The following IRAG2 variants were observed in gnomAD, a reference collection of about 807,000 sequenced individuals.
IRAG2 encodes lymphoid restricted membrane protein.
In IRAG2, 45 loss-of-function variants were observed where a neutral mutation model predicts 69.9. The observed-to-expected ratio is 0.64, with a 90% CI of 0.51 to 0.83. The LOEUF (loss-of-function observed/expected upper bound fraction) is 0.83, where lower values mean the gene tolerates loss of function less well. IRAG2 is among the 40% of genes least tolerant of loss of function. The pLI is 0.00. For synonymous variants in IRAG2, 193 were observed against 202.4 expected (o/e 0.95, Z 0.40); for missense variants, 520 against 587.0 (o/e 0.89, Z 1.18).
At chr12:25,100,056 A>C (rs1227740001) in intron 15 of IRAG2, among the ~76,000 whole-genome samples, 4 of 151,626 alleles carry the variant, frequency 2.6e-5, no homozygotes, top group Non-Finnish European at 5.9e-5. Flanking sequence ...ACATTTCTTC[A>C]AAGAAGATAC....
intron 14 of IRAG2, among the ~76,000 whole-genome samples, chr12:25,095,116 A>C (rs1385877239): frequency 6.6e-6 from 1 of 152,170 alleles, no homozygotes; most frequent in Non-Finnish European, 1.5e-5. Context: ...ATGTTGAATA[A>C]TATTGGTGAG....
upstream of IRAG2, among the ~76,000 whole-genome samples, chr12:25,003,270 A>T (rs1182394632): frequency 1.3e-5 from 2 of 152,238 alleles, no homozygotes; most frequent in Non-Finnish European, 2.9e-5. Context: ...CAGTAATTCC[A>T]TAACTATTCA....
In IRAG2 at chr12:25,079,425, A is replaced by T; in HGVS notation, c.99A>T (p.Arg33Ser). The change falls in exon 8 of 22, where the codon AGA (arginine) becomes AGT (serine). Residue 33 changes from arginine (R) to serine (S), a missense_variant. Arg to Ser is a moderately radical substitution (Grantham distance 110). Transcript: ENST00000556887. ...SREYSSLPLP[R>S]HTSSTDGTIT... The stretch of plus-strand genomic sequence containing the variant: ...AATATTCCTCACTACCATTACCCAG[A>T]CACACTTCATCGACAGACGGTACTA... 1 of 1,613,818 alleles carries T rather than the reference A, an allele frequency of 6.2e-7. No homozygotes were observed. Among genetic ancestry groups the T allele is most frequent in the Non-Finnish European group, 8.5e-7 (1 of 1,179,732 alleles).
At chr12:25,067,317 G>A (rs11047804) in intron 5 of IRAG2, among the ~76,000 whole-genome samples, 11,343 of 152,108 alleles carry the variant, frequency 0.075, 584 homozygotes, top group African/African-American at 0.15. Context: ...CAGATGTGTG[G>A]GGGTTTTTTT....
At chr12:25,005,870 C>T (rs1336274548) in intron 2 of IRAG2, among the ~76,000 whole-genome samples, 1 of 151,916 alleles carries the variant, frequency 6.6e-6, no homozygotes, top group Non-Finnish European at 1.5e-5. Flanking sequence ...GCAATTGCAA[C>T]AAAACAAAAA....
In IRAG2 at chr12:25,106,944, A is replaced by C; in HGVS notation, c.1150A>C (p.Thr384Pro). The C allele has an allele frequency of 6.7e-7, 1 of 1,502,482 alleles. No homozygotes were observed. Among genetic ancestry groups the C allele is most frequent in the Non-Finnish European group, 9.2e-7 (1 of 1,089,760 alleles). 93.1% of individuals were successfully genotyped at this position (1,502,482 alleles called of 1,614,324 possible). Residue 384 changes from threonine (T) to proline (P), a missense_variant and splice_region_variant, in exon 21 of 22, where the codon ACT becomes CCT. Transcript: ENST00000556887. ...ATTAAAAACAACATTTATTTACAGA[A>C]CTAAAGATGACTCAGAGCCATCTGG... Reference protein sequence around the residue: ...DAEEEKCELKTKDDSEPSGEE... With the variant: ...DAEEEKCELKPKDDSEPSGEE...
At chr12:25,021,969 T>C (rs1944584675) in intron 7 of IRAG2, among the ~76,000 whole-genome samples, 1 of 152,228 alleles carries the variant, frequency 6.6e-6, no homozygotes, top group South Asian at 2.1e-4. Flanking sequence ...AGCTTCTAAC[T>C]GAAGGCAATG....
intron 1 of IRAG2, among the ~76,000 whole-genome samples, chr12:25,055,542 T>G (rs994732071): frequency 6.6e-6 from 1 of 152,204 alleles, no homozygotes; most frequent in Non-Finnish European, 1.5e-5. Context: ...TGTACCATGT[T>G]GGTGTGCTGC....
At chr12:25,073,559 A>G (rs558778569) in intron 6 of IRAG2, among the ~76,000 whole-genome samples, 1 of 152,346 alleles carries the variant, frequency 6.6e-6, no homozygotes, top group South Asian at 2.1e-4. Flanking sequence ...GCACAGTGCA[A>G]TATAAAAGTG....
At chr12:25,017,108 A>G (rs1944535836) in intron 5 of IRAG2, 9 of 1,227,324 alleles carry the variant, frequency 7.3e-6, no homozygotes, top group South Asian at 8.3e-5. Context: ...TGTGAAGGTT[A>G]TTCTCATCTA....
exon 10 of IRAG2, chr12:25,030,302 A>G (rs1944659009): frequency 8.1e-7 from 1 of 1,231,566 alleles, no homozygotes; most frequent in Non-Finnish European, 1.0e-6. Context: ...ATATGAGAAC[A>G]CTTTGCTTAA....
intron 15 of IRAG2, among the ~76,000 whole-genome samples, chr12:25,099,499 C>T (rs1948619441): frequency 6.6e-6 from 1 of 152,140 alleles, no homozygotes; most frequent in Admixed American, 6.5e-5. Context: ...TTGATCTAAG[C>T]CTCCATTCTG....
chr12:25,019,101 C>T (rs1944555758), intron 6 of IRAG2, among the ~76,000 whole-genome samples: 1 of 152,148 alleles, frequency 6.6e-6, no homozygotes, highest in Non-Finnish European at 1.5e-5. Context: ...GGTGTAGGAG[C>T]TGGGGTGAGT....
chr12:25,061,114 A>G (rs74963178), intron 1 of IRAG2, among the ~76,000 whole-genome samples: 3 of 152,304 alleles, frequency 2.0e-5, no homozygotes, highest in Admixed American at 1.3e-4. Flanking sequence ...TTCCCGAGTC[A>G]TAAGTTGAGA....
At chr12:25,087,109 T>C (rs2140148737) in intron 10 of IRAG2, among the ~76,000 whole-genome samples, 1 of 150,580 alleles carries the variant, frequency 6.6e-6, no homozygotes, top group African/African-American at 2.4e-5. Flanking sequence ...TCTGCAGAAA[T>C]TCCATGCTAC....
chr12:25,023,059 G>C (rs908593683), intron 7 of IRAG2, among the ~76,000 whole-genome samples: 5 of 151,676 alleles, frequency 3.3e-5, no homozygotes, highest in Non-Finnish European at 7.4e-5. Flanking sequence ...CCGGGAGGTG[G>C]AGGTTGCAGT....
chr12:25,096,530 T>A (rs75100325), intron 14 of IRAG2, among the ~76,000 whole-genome samples: 3 of 152,194 alleles, frequency 2.0e-5, no homozygotes, highest in African/African-American at 7.2e-5. Flanking sequence ...TATGTTTGGT[T>A]ACGTTTCTTA....
exon 1 of IRAG2, chr12:25,004,816 A>C (rs533101870): frequency 1.6e-6 from 2 of 1,232,148 alleles, no homozygotes; most frequent in African/African-American, 3.1e-5. Flanking sequence ...AAATAATTTT[A>C]GTACCTTAAC....
At chr12:25,097,968 G>A (rs1460271994) in intron 15 of IRAG2, among the ~76,000 whole-genome samples, 3 of 152,116 alleles carry the variant, frequency 2.0e-5, no homozygotes, top group South Asian at 2.1e-4. Flanking sequence ...CTTCCACTAC[G>A]AAGACAAATA....
Sources: gnomAD v4.1 joint callset for allele counts (sites outside exome capture counted in the v4.1 genomes callset) on GRCh38, gnomAD v4.1.1 for gene constraint, MANE v1.5 for transcripts, NCBI Gene and HGNC (gene_info 2026-07-23, HGNC 2026-07-21) for gene names.